The following ATXN7L1 variants were observed in gnomAD, a reference collection of about 807,000 sequenced individuals.
ATXN7L1 encodes ataxin-7-like protein 1.
A neutral mutation model predicts 70.8 loss-of-function variants in ATXN7L1; 15 were observed. That is an observed-to-expected ratio of 0.21 (90% confidence interval 0.14 to 0.33). The LOEUF is 0.33. Ranked by LOEUF, ATXN7L1 falls within the 10% of genes least tolerant of loss-of-function variation. ATXN7L1 has a pLI of 1.00. For synonymous variants in ATXN7L1, 440 were observed against 445.1 expected (o/e 0.99, Z 0.14); for missense variants, 975 against 1,097.1 (o/e 0.89, Z 1.57).
intron 3 of ATXN7L1, among the ~76,000 whole-genome samples, chr7:105,688,636 C>G (rs1171520011): frequency 6.6e-6 from 1 of 152,220 alleles, no homozygotes; most frequent in Non-Finnish European, 1.5e-5. Context: ...GGCGTAAGCG[C>G]CAATGAAGCC....
At chr7:105,817,231 C>T (rs1197250588) in intron 2 of ATXN7L1, among the ~76,000 whole-genome samples, 2 of 152,238 alleles carry the variant, frequency 1.3e-5, no homozygotes, top group Non-Finnish European at 2.9e-5. Flanking sequence ...ATTGTTGATA[C>T]AGGAGAAAGC....
intron 3 of ATXN7L1, among the ~76,000 whole-genome samples, chr7:105,748,017 C>G (rs568937905): frequency 1.3e-5 from 2 of 151,660 alleles, no homozygotes; most frequent in African/African-American, 4.8e-5. Flanking sequence ...TACTGAGGAG[C>G]CTGAGGCAGG....
chr7:105,727,637 C>A (rs1416688064), intron 3 of ATXN7L1, among the ~76,000 whole-genome samples: 1 of 145,132 alleles, frequency 6.9e-6, no homozygotes, highest in African/African-American at 2.6e-5. Flanking sequence ...CCATTGCACT[C>A]CAGCCTGGGC....
At chr7:105,615,490 C>A (rs1395971914) in intron 9 of ATXN7L1, among the ~76,000 whole-genome samples, 1 of 152,164 alleles carries the variant, frequency 6.6e-6, no homozygotes, top group Non-Finnish European at 1.5e-5. Context: ...GTGGCTGGGC[C>A]GTGGAGGGTT....
chr7:105,646,380 G>A (rs1240422776), intron 4 of ATXN7L1, among the ~76,000 whole-genome samples: 2 of 152,098 alleles, frequency 1.3e-5, no homozygotes, highest in East Asian at 3.9e-4. Context: ...CTAGGATTTT[G>A]GGGGGCCAGG....
chr7:105,715,461 T>C (rs150630031), intron 3 of ATXN7L1, among the ~76,000 whole-genome samples: 108 of 152,336 alleles, frequency 7.1e-4, no homozygotes, highest in Middle Eastern at 3.4e-3. Flanking sequence ...TAGCATCCTT[T>C]ACAACAGCAT....
intron 2 of ATXN7L1, among the ~76,000 whole-genome samples, chr7:105,820,682 T>G (rs1352373333): frequency 6.6e-6 from 1 of 152,192 alleles, no homozygotes; most frequent in Non-Finnish European, 1.5e-5. Flanking sequence ...TGATATGGTT[T>G]GGATGTGTGT....
chr7:105,719,192 TG>T (rs1794911179), intron 3 of ATXN7L1, among the ~76,000 whole-genome samples: 1 of 152,098 alleles, frequency 6.6e-6, no homozygotes, highest in African/African-American at 2.4e-5. Context: ...GGGGAGCATT[TG>T]TGATCTTGGC....
At chr7:105,788,457 G>A (rs532303147) in intron 3 of ATXN7L1, 147 bp downstream of exon 3, 194 of 650,048 alleles carry the variant, frequency 3.0e-4, no homozygotes, top group African/African-American at 2.9e-3. Flanking sequence ...AACAGCCTGC[G>A]AGCAGAGGCA....
At chr7:105,857,450 G>GAGCCC (rs1326687615) in intron 2 of ATXN7L1, among the ~76,000 whole-genome samples, 1 of 152,108 alleles carries the variant, frequency 6.6e-6, no homozygotes, top group Non-Finnish European at 1.5e-5. Flanking sequence ...ATTCCACACA[G>GAGCCC]AGCCCAGCCC....
intron 7 of ATXN7L1, among the ~76,000 whole-genome samples, chr7:105,636,580 C>T (rs1055453764): frequency 3.3e-5 from 5 of 151,960 alleles, no homozygotes; most frequent in Non-Finnish European, 4.4e-5. Flanking sequence ...GAAAATTAAA[C>T]CCAAAAGGAA....
At chr7:105,613,368 C>A (rs1793344589) in intron 10 of ATXN7L1, 3 of 456,720 alleles carry the variant, frequency 6.6e-6, no homozygotes, top group Admixed American at 5.9e-5. Flanking sequence ...CACCCGGGAG[C>A]CGGGCACAGG....
intron 2 of ATXN7L1, among the ~76,000 whole-genome samples, chr7:105,829,147 C>T (rs766618634): frequency 3.9e-5 from 6 of 152,134 alleles, no homozygotes; most frequent in African/African-American, 9.7e-5. Context: ...CTGGGCCAGG[C>T]GCTGTGGCTC....
chr7:105,812,869 G>A (rs1808628064), intron 2 of ATXN7L1, among the ~76,000 whole-genome samples: 1 of 152,178 alleles, frequency 6.6e-6, no homozygotes, highest in African/African-American at 2.4e-5. Flanking sequence ...GGGCATGGTG[G>A]CACACACCTG....
chr7:105,710,493 C>T (rs948031825), intron 3 of ATXN7L1, among the ~76,000 whole-genome samples: 3 of 150,472 alleles, frequency 2.0e-5, no homozygotes, highest in Non-Finnish European at 3.0e-5. Flanking sequence ...CTGCAAGCTC[C>T]GCCTCCCAGG....
intron 3 of ATXN7L1, among the ~76,000 whole-genome samples, chr7:105,772,569 G>T (rs1802163849): frequency 6.6e-6 from 1 of 152,174 alleles, no homozygotes; most frequent in Non-Finnish European, 1.5e-5. Flanking sequence ...TAGGCACAAA[G>T]ACACCACTAC....
At chr7:105,690,821 C>T (rs568228968) in intron 3 of ATXN7L1, among the ~76,000 whole-genome samples, 2 of 152,242 alleles carry the variant, frequency 1.3e-5, no homozygotes, top group South Asian at 2.1e-4. Flanking sequence ...GCCAACTGTT[C>T]TAGTAAATAT....
At chr7:105,753,817 G>A in intron 3 of ATXN7L1, among the ~76,000 whole-genome samples, 1 of 152,214 alleles carries the variant, frequency 6.6e-6, no homozygotes, top group East Asian at 1.9e-4. Context: ...CACTATTTAT[G>A]GGAGTTTTCT....
At position 105,778,535 on chromosome 7, in the gene ATXN7L1, A is replaced by AAC. The variant is rs1554460035; in HGVS notation, c.355+10068_355+10069insGT. 2.5e-3 allele frequency among the ~76,000 whole-genome samples: 371 copies of AAC among 146,884 alleles called. 1 individual carries two copies. The highest frequency in any genetic ancestry group is 4.2e-3 in the Non-Finnish European group (283 of 66,802). ...CAAAAAAAAAAAAAAAAAAAAAAAA[A>AAC]CAAAGACTAAATAATCCTAAAGTTA... On this transcript the variant is annotated intron_variant, in intron 3 of 11. Coordinates refer to ENST00000419735, the MANE Select transcript of ATXN7L1 (RefSeq NM_020725.2).
Sources: allele counts gnomAD v4.1 joint callset (sites outside exome capture counted in the v4.1 genomes callset), GRCh38; gene constraint gnomAD v4.1.1; transcripts MANE v1.5; gene names NCBI Gene and HGNC (gene_info 2026-07-23, HGNC 2026-07-21).